Variants in FBXL7 observed in about 807,000 individuals in gnomAD.
FBXL7 encodes F-box/LRR-repeat protein 7.
FBXL7 carries 12 observed loss-of-function variants against 38.3 expected under a neutral mutation model. That is an observed-to-expected ratio of 0.31 (90% CI 0.20 to 0.51). The LOEUF (loss-of-function observed/expected upper bound fraction) is 0.51, where lower values mean the gene tolerates loss of function less well. Ranked by LOEUF, FBXL7 falls within the 20% of genes least tolerant of loss-of-function variation. The pLI is 0.98. For synonymous variants in FBXL7, 297 were observed against 300.9 expected (o/e 0.99, Z 0.13); for missense variants, 567 against 676.4 (o/e 0.84, Z 1.79).
In FBXL7 at chr5:15,549,773, T is replaced by C. The variant is rs181932102; in HGVS notation, c.37+49060T>C. Among the ~76,000 whole-genome samples the C allele has an allele frequency of 2.0e-5, 3 of 152,252 alleles. No homozygotes were observed. In the East Asian group the frequency reaches 5.8e-4, roughly 29 times the overall value. On this transcript the variant is annotated intron_variant, in intron 1 of 3. Coordinates refer to ENST00000504595, the MANE Select transcript of FBXL7 (RefSeq NM_012304.5). ...AATGCTTTCTGGCTCTTTCAAAAAG[T>C]TTTTGCATGATGCCACTCTAACCAC... is the stretch of plus-strand genomic sequence containing the variant.
chr5:15,689,299 G>A (rs552406383), intron 2 of FBXL7, among the ~76,000 whole-genome samples: 1 of 150,102 alleles, frequency 6.7e-6, no homozygotes, highest in Non-Finnish European at 1.5e-5. Flanking sequence ...AATGCACAAG[G>A]TAATGTTTTC....
chr5:15,913,535 CTTG>C (rs1741500091), intron 2 of FBXL7, among the ~76,000 whole-genome samples: 1 of 152,084 alleles, frequency 6.6e-6, no homozygotes, highest in Non-Finnish European at 1.5e-5. Flanking sequence ...CCCTGTGGGG[CTTG>C]TTTTCTGCTG....
At chr5:15,538,954 A>C (rs1254450643) in intron 1 of FBXL7, among the ~76,000 whole-genome samples, 4 of 152,232 alleles carry the variant, frequency 2.6e-5, no homozygotes, top group Non-Finnish European at 4.4e-5. Flanking sequence ...GAGAAAATAA[A>C]AATCTATTCT....
At chr5:15,904,405 T>C (rs1741306203) in intron 2 of FBXL7, among the ~76,000 whole-genome samples, 1 of 152,176 alleles carries the variant, frequency 6.6e-6, no homozygotes, top group South Asian at 2.1e-4. Flanking sequence ...AATTATAAAC[T>C]CTTTGTGGAT....
At chr5:15,563,080 A>G (rs1443344084) in intron 1 of FBXL7, among the ~76,000 whole-genome samples, 2 of 152,108 alleles carry the variant, frequency 1.3e-5, no homozygotes, top group Non-Finnish European at 2.9e-5. Context: ...GGCTATAATG[A>G]ACAATGCTTC....
chr5:15,722,136 A>G (rs1479259298), intron 2 of FBXL7, among the ~76,000 whole-genome samples: 2 of 152,154 alleles, frequency 1.3e-5, no homozygotes, highest in Non-Finnish European at 2.9e-5. Flanking sequence ...CCCGGCCAAG[A>G]ATACTTTTAA....
chr5:15,717,448 G>A (rs1744075400), intron 2 of FBXL7, among the ~76,000 whole-genome samples: 1 of 152,152 alleles, frequency 6.6e-6, no homozygotes, highest in African/African-American at 2.4e-5. Flanking sequence ...AACCACTCCT[G>A]TTTGAAATTG....
intron 2 of FBXL7, among the ~76,000 whole-genome samples, chr5:15,695,169 CTT>C (rs1743296572): frequency 6.6e-6 from 1 of 152,030 alleles, no homozygotes; most frequent in Non-Finnish European, 1.5e-5. Flanking sequence ...GAAAGATGAC[CTT>C]GAACTTTGCA....
At chr5:15,919,931 T>C (rs1395030598) in intron 2 of FBXL7, among the ~76,000 whole-genome samples, 2 of 152,166 alleles carry the variant, frequency 1.3e-5, no homozygotes, top group East Asian at 3.9e-4. Context: ...GGTACTTTAA[T>C]GGGACCATGG....
At chr5:15,819,955 TCTC>T (rs1738127168) in intron 2 of FBXL7, among the ~76,000 whole-genome samples, 1 of 152,224 alleles carries the variant, frequency 6.6e-6, no homozygotes, top group Non-Finnish European at 1.5e-5. Flanking sequence ...TCTGGTGATT[TCTC>T]CTCCTTTTCA....
chr5:15,703,255 A>G (rs1266408090), intron 2 of FBXL7, among the ~76,000 whole-genome samples: 2 of 152,162 alleles, frequency 1.3e-5, no homozygotes, highest in African/African-American at 2.4e-5. Context: ...CAGCCTGAAT[A>G]TTTTTACATT....
chr5:15,725,854 A>G (rs1744333289), intron 2 of FBXL7, among the ~76,000 whole-genome samples: 1 of 151,980 alleles, frequency 6.6e-6, no homozygotes, highest in Admixed American at 6.6e-5. Flanking sequence ...GCCAGGCTGT[A>G]GATTGTTATT....
rs998633260 is a variant in FBXL7 at position 15,567,583 on chromosome 5, C to CT, written c.38-48392dup. Among the ~76,000 whole-genome samples, 11 of 150,624 alleles carry CT rather than the reference C, an allele frequency of 7.3e-5. No homozygotes were observed. The East Asian group carries it at 9.7e-4, about 13-fold the overall frequency. ...TTGCCCTTAAGTCTGTCTCTTTCTT[C>CT]TTTTTTTTATATATATATATTTTTT... On this transcript the variant is annotated intron_variant, in intron 1 of 3. Coordinates refer to ENST00000504595, the MANE Select transcript of FBXL7 (RefSeq NM_012304.5).
chr5:15,896,883 C>T lies in FBXL7; in HGVS notation c.128-31007C>T, dbSNP rs148680895. On this transcript the variant is annotated intron_variant, in intron 2 of 3. Transcript: ENST00000504595. ...GCATGGTGGGCCTTGCCTGTAATCCCGGCATTTTGGGAGGCTGAGGTGGGC... is the reference window on the plus strand; with the variant it reads ...GCATGGTGGGCCTTGCCTGTAATCCTGGCATTTTGGGAGGCTGAGGTGGGC... Among the ~76,000 whole-genome samples the T allele has an allele frequency of 1.1e-3, 166 of 152,236 alleles. 2 individuals carry two copies. Among genetic ancestry groups the T allele is most frequent in the African/African-American group, 3.7e-3 (153 of 41,534 alleles).
chr5:15,780,363 TA>T (rs148207757), intron 2 of FBXL7, among the ~76,000 whole-genome samples: 8,568 of 152,162 alleles, frequency 0.056, 253 homozygotes, highest in East Asian at 0.099. Flanking sequence ...TATACATATA[TA>T]TTTTTTTACT....
intron 2 of FBXL7, among the ~76,000 whole-genome samples, chr5:15,900,944 G>A (rs1321811711): frequency 6.6e-6 from 1 of 152,194 alleles, no homozygotes. Flanking sequence ...GAGCACTCTG[G>A]ACTCTTGATG....
intron 2 of FBXL7, among the ~76,000 whole-genome samples, chr5:15,789,630 C>T (rs16867730): frequency 0.24 from 35,984 of 152,072 alleles, 4,316 homozygotes; most frequent in South Asian, 0.28. Flanking sequence ...CTCCTGTAGG[C>T]TTGCACTTTC....
chr5:15,634,016 G>A (rs914910631), intron 2 of FBXL7, among the ~76,000 whole-genome samples: 6 of 151,546 alleles, frequency 4.0e-5, no homozygotes, highest in Non-Finnish European at 8.8e-5. Context: ...CCTTAACTCA[G>A]GTGATCCACC....
intron 2 of FBXL7, among the ~76,000 whole-genome samples, chr5:15,918,683 A>G (rs1741663893): frequency 6.6e-6 from 1 of 152,218 alleles, no homozygotes; most frequent in Admixed American, 6.5e-5. Context: ...ATATTACATG[A>G]GTTCCACCAT....
Sources: allele counts gnomAD v4.1 joint callset (sites outside exome capture counted in the v4.1 genomes callset), GRCh38; gene constraint gnomAD v4.1.1; transcripts MANE v1.5; gene names NCBI Gene and HGNC (gene_info 2026-07-23, HGNC 2026-07-21).